Variants in ACOX2 observed in about 807,000 individuals in gnomAD.
ACOX2 encodes peroxisomal acyl-coenzyme A oxidase 2.
A neutral mutation model predicts 77.5 loss-of-function variants in ACOX2; 59 were observed. The observed-to-expected ratio is 0.76, with a 90% CI of 0.62 to 0.95. ACOX2 has a LOEUF of 0.95. Ranked by LOEUF, ACOX2 falls within the 40% of genes least tolerant of loss-of-function variation. The pLI, the probability that ACOX2 is intolerant of heterozygous loss-of-function variation, is 0.00. For synonymous variants in ACOX2, 317 were observed against 340.1 expected (o/e 0.93, Z 0.75); for missense variants, 837 against 880.4 (o/e 0.95, Z 0.62).
chr3:58,515,293 T>C lies in ACOX2; in HGVS notation c.1850+1913A>G, dbSNP rs1287759173. Among the ~76,000 whole-genome samples, 1 of 152,202 alleles carries C rather than the reference T, an allele frequency of 6.6e-6. No homozygotes were observed. Among genetic ancestry groups the C allele is most frequent in the Non-Finnish European group, 1.5e-5 (1 of 68,038 alleles). ...ACCTTGGCCTCCCAAAGTGCTGGGA[T>C]TGCAGGTATTAGCCACCGCGCCTGG... On this transcript the variant is annotated intron_variant, in intron 13 of 14. Coordinates refer to ENST00000302819, the MANE Select transcript of ACOX2 (RefSeq NM_003500.4). This position sits in a 1 kb window ranked among gnomAD's most constrained non-coding sequence, Gnocchi z 4.0.
intron 12 of ACOX2, among the ~76,000 whole-genome samples, chr3:58,518,746 C>T (rs2063339455): frequency 6.6e-6 from 1 of 152,000 alleles, no homozygotes; most frequent in Non-Finnish European, 1.5e-5. Flanking sequence ...GATTCTCCCA[C>T]CTCAGCCTCC....
At position 58,517,242 on chromosome 3, in the gene ACOX2, G is replaced by T. The variant is rs201831284; in HGVS notation, c.1814C>A (p.Ala605Glu). ...GAGCAGGTCCAGGTAGGCTGTTCTT[G>T]CCATGTCCACTTGGGCACCAGACAG... ...AFLSGAQVDM[A>E]RTAYLDLLRL... The change falls in exon 13 of 15, where the codon GCA (alanine) becomes GAA (glutamate). Residue 605 changes from alanine (A) to glutamate (E), a missense_variant. By Grantham distance (107) the Ala-to-Glu change is moderately radical. Transcript: ENST00000302819. 1 of 1,614,114 alleles carries T rather than the reference G, an allele frequency of 6.2e-7. No individual in the cohort carries two copies. Among genetic ancestry groups the T allele is most frequent in the East Asian group, 2.2e-5 (1 of 44,874 alleles).
chr3:58,526,679 T>C lies in ACOX2; in HGVS notation c.1156-23A>G. ...GAGCTGTGAGAACATGGAGGGGGGT[T>C]GGGCGGTGTTAGGGGGCCTCCACCA... is the stretch of plus-strand genomic sequence containing the variant. On this transcript the variant is annotated intron_variant, in intron 9 of 14. Transcript: ENST00000302819. This position sits in a 1 kb window ranked among gnomAD's most constrained non-coding sequence, Gnocchi z 4.3. 1 of 1,608,964 alleles carries C rather than the reference T, an allele frequency of 6.2e-7. No individual in the cohort carries two copies. Among genetic ancestry groups the C allele is most frequent in the Non-Finnish European group, 8.5e-7 (1 of 1,177,504 alleles).
At chr3:58,516,802 A>C (rs1455388742) in intron 13 of ACOX2, among the ~76,000 whole-genome samples, 2 of 152,182 alleles carry the variant, frequency 1.3e-5, no homozygotes, top group African/African-American at 4.8e-5. Context: ...GTACTACTGC[A>C]CTTTAGCCTG....
rs1576992603 is a variant in ACOX2, at chr3:58,519,755, A to G, written c.1633-2332T>C. On this transcript the variant is annotated intron_variant, in intron 12 of 14. Coordinates refer to ENST00000302819, the MANE Select transcript of ACOX2 (RefSeq NM_003500.4). The surrounding 1 kb of genome is among the most constrained non-coding windows in gnomAD (Gnocchi z 5.0). ...GACAACTCCACTTTGCCATTCAGAC[A>G]TGGTGTGCTCACAGCCATGCTGGGC... Among the ~76,000 whole-genome samples, 2 of 152,222 alleles carry G rather than the reference A, an allele frequency of 1.3e-5. No individual in the cohort carries two copies. The highest frequency in any genetic ancestry group is 6.5e-5 in the Admixed American group (1 of 15,284).
intron 13 of ACOX2, chr3:58,511,507 G>T: frequency 5.0e-6 from 1 of 199,222 alleles, no homozygotes; most frequent in East Asian, 1.6e-4. Context: ...AAGAGGTCAA[G>T]GATCAAGTCT....
intron 12 of ACOX2, 60 bp from the exon 13 acceptor site, chr3:58,517,483 T>C: frequency 6.6e-7 from 1 of 1,516,912 alleles, no homozygotes. Flanking sequence ...GAAGTCACCC[T>C]GGAAGCATGG....
At position 58,530,479 on chromosome 3, in the gene ACOX2, G is replaced by T. The variant is rs138459863; in HGVS notation, c.979C>A (p.Arg327=). ...GGCACCCCTTGCCTGGGCCGGAGCC[G>T]GGATTGGCGGCGGATGACCGAGTAG... The part of the protein sequence containing the change: ...MRYSVIRRQS[R]LRPSDPEAKV... Residue 327 remains arginine, a synonymous_variant, in exon 8 of 15, where the codon CGG becomes AGG. Transcript: ENST00000302819. 2 of 1,613,944 alleles carry T rather than the reference G, an allele frequency of 1.2e-6. No individual in the cohort carries two copies. The highest frequency in any genetic ancestry group is 1.3e-5 in the African/African-American group (1 of 74,948).
Position 58,526,473 on chromosome 3 carries a change from CCTGCAGGTAGAGCA to C in ACOX2, c.1325_1338del (p.Val442GlyfsTer35). On this transcript the variant is annotated frameshift_variant, in exon 10 of 15. Coordinates refer to ENST00000302819, the MANE Select transcript of ACOX2 (RefSeq NM_003500.4). LOFTEE classifies it high-confidence loss of function. The surrounding 1 kb of genome is among the most constrained non-coding windows in gnomAD (Gnocchi z 4.3). ...GGTCAGCCTGGACCTTACCTGGCCA[CCTGCAGGTAGAGCA>C]CTGTGTTCTCACCCTCGTAGGTACA... 6.2e-7 allele frequency: 1 copy of C among 1,612,422 alleles called. No individual in the cohort carries two copies. The highest frequency in any genetic ancestry group is 8.5e-7 in the Non-Finnish European group (1 of 1,179,108).
Position 58,510,655 on chromosome 3 carries a change from A to AAT in ACOX2, c.1851-1631_1851-1630insAT. ...CTCAAAAAAAAAAAAAAAAAAAAAA[A>AAT]AAAAAAAAATATATATATATATATA... On this transcript the variant is annotated intron_variant, in intron 13 of 14. Coordinates refer to ENST00000302819, the MANE Select transcript of ACOX2 (RefSeq NM_003500.4). Among the ~76,000 whole-genome samples, 3 of 40,590 alleles carry AAT rather than the reference A, an allele frequency of 7.4e-5. 1 individual carries two copies. Among genetic ancestry groups the AAT allele is most frequent in the Non-Finnish European group, 1.3e-4 (3 of 22,582 alleles). The allele number at this position is 40,590 out of a possible 152,430, so 26.6% of individuals were successfully genotyped here.
rs2063452809 is a variant in ACOX2, at chr3:58,533,061, TGCTCTGGCTGGTGGCAA to T, written c.583+367_583+383del. ...TTCCACTGTGTCATCACAGGGCCTG[TGCTCTGGCTGGTGGCAA>T]GCTCTGCCACTAACTCGGGAGATGA... On this transcript the variant is annotated intron_variant, in intron 5 of 14. Transcript: ENST00000302819. This position sits in a 1 kb window ranked among gnomAD's most constrained non-coding sequence, Gnocchi z 5.6. Among the ~76,000 whole-genome samples the T allele has an allele frequency of 6.6e-6, 1 of 152,270 alleles. No homozygotes were observed. The highest frequency in any genetic ancestry group is 3.4e-3 in the Middle Eastern group (1 of 294).
At position 58,530,555 on chromosome 3, in the gene ACOX2, C is replaced by G. The variant is rs2063430525; in HGVS notation, c.903G>C (p.Leu301=). ...GCAGTATAGGGAGGATCTCCCCTGA[C>G]AGCAGCTCCACCCGCACCACCACCA... is the stretch of plus-strand genomic sequence containing the variant. ...LPMVVVRVEL[L]SGEILPILQK... is the part of the protein sequence containing the mutation. The change falls in exon 8 of 15, where the codon CTG becomes CTC. Residue 301 remains leucine, a synonymous_variant. Coordinates refer to ENST00000302819, the MANE Select transcript of ACOX2 (RefSeq NM_003500.4). The G allele has an allele frequency of 6.2e-7, 1 of 1,614,266 alleles. No individual in the cohort carries two copies. Among genetic ancestry groups the G allele is most frequent in the Non-Finnish European group, 8.5e-7 (1 of 1,180,042 alleles).
Position 58,535,295 on chromosome 3 carries a change from A to G in ACOX2, c.-91-98T>C, listed in dbSNP as rs991237894. On this transcript the variant is annotated intron_variant, in intron 1 of 14. Transcript: ENST00000302819. The surrounding 1 kb of genome is among the most constrained non-coding windows in gnomAD (Gnocchi z 4.8). ...TACCTGAATGCCACTCCACCTCCCCACTCCCCCTGTGGACACTGGCTGTGG... is the reference window on the plus strand; with the variant it reads ...TACCTGAATGCCACTCCACCTCCCCGCTCCCCCTGTGGACACTGGCTGTGG... The G allele has an allele frequency of 1.6e-6, 1 of 640,864 alleles. No homozygotes were observed. 39.7% of individuals were successfully genotyped at this position (640,864 alleles called of 1,614,324 possible). A position where few individuals can be genotyped will look rare whatever the true frequency, so the allele number is the denominator to read the frequency against.
rs573583259 is a variant in ACOX2, at chr3:58,516,148, A to T, written c.1850+1058T>A. On this transcript the variant is annotated intron_variant, in intron 13 of 14. Transcript: ENST00000302819. Reference sequence around the variant, plus strand: ...GGCACTGCATTAATGCTGCATTAAAAAACTTTGTGTTATTATTTTATAAAT... The same window carrying T: ...GGCACTGCATTAATGCTGCATTAAATAACTTTGTGTTATTATTTTATAAAT... Among the ~76,000 whole-genome samples the T allele has an allele frequency of 2.7e-4, 41 of 152,340 alleles. 2 individuals carry two copies. In the South Asian group the frequency reaches 8.5e-3, roughly 32 times the overall value.
At chr3:58,529,129 C>A (rs2108006807) in intron 8 of ACOX2, 173 bp from the exon 9 acceptor site, 1 of 566,466 alleles carries the variant, frequency 1.8e-6, no homozygotes, top group East Asian at 3.1e-5. Context: ...CATGAACATC[C>A]ACACATTTCA....
intron 14 of ACOX2, among the ~76,000 whole-genome samples, chr3:58,507,153 CAA>C (rs1238117749): frequency 2.0e-5 from 3 of 152,186 alleles, no homozygotes; most frequent in Non-Finnish European, 4.4e-5. Context: ...GCTAGGATGA[CAA>C]GAGTGTGTGG....
chr3:58,531,714 G>A lies in ACOX2; in HGVS notation c.682C>T (p.Gln228Ter). ...HAFIVPIRSLQDHTPLPGIII... is the reference protein window; with the variant it reads ...HAFIVPIRSL ...TTACCTGGCAGTGGGGTGTGGTCCT[G>A]AAGACTCCGGATTGGCACAATAAAA... Residue 228 changes from glutamine to a stop codon, truncating the protein, a stop_gained, in exon 6 of 15, where the codon CAG becomes TAG. Transcript: ENST00000302819. LOFTEE classifies it high-confidence loss of function. This position sits in a 1 kb window ranked among gnomAD's most constrained non-coding sequence, Gnocchi z 5.8. The A allele has an allele frequency of 1.2e-6, 2 of 1,614,168 alleles. No homozygotes were observed. Among genetic ancestry groups the A allele is most frequent in the Non-Finnish European group, 1.7e-6 (2 of 1,180,030 alleles).
chr3:58,508,254 TTAA>T (rs1382881461), intron 14 of ACOX2, among the ~76,000 whole-genome samples: 2 of 152,172 alleles, frequency 1.3e-5, no homozygotes, highest in African/African-American at 4.8e-5. Flanking sequence ...CTTCTCGCTG[TTAA>T]TGATGTAGAG....
rs2063345702 is a variant in ACOX2 at position 58,519,706 on chromosome 3, C to T, written c.1633-2283G>A. ...CTCACTTGGAAAGAACTTGTGTTTC[C>T]TAGGGGGCCCTCACACAGGTGCTGA... On this transcript the variant is annotated intron_variant, in intron 12 of 14. Transcript: ENST00000302819. This position sits in a 1 kb window ranked among gnomAD's most constrained non-coding sequence, Gnocchi z 5.0. Among the ~76,000 whole-genome samples the T allele has an allele frequency of 3.9e-5, 6 of 152,076 alleles. No homozygotes were observed. Among genetic ancestry groups the T allele is most frequent in the African/African-American group, 1.4e-4 (6 of 41,426 alleles).
Sources: allele counts gnomAD v4.1 joint callset (sites outside exome capture counted in the v4.1 genomes callset), GRCh38; gene constraint gnomAD v4.1.1; non-coding constraint Gnocchi (gnomAD v3.1); transcripts MANE v1.5; gene names NCBI Gene and HGNC (gene_info 2026-07-23, HGNC 2026-07-21).